ZNF536: variants seen among roughly 807,000 people sequenced by gnomAD.
ZNF536 encodes the protein zinc finger protein 536.
ZNF536 carries 13 observed loss-of-function variants against 84.5 expected under a neutral mutation model. The ratio of observed to expected loss-of-function variants is 0.15; its 90% CI spans 0.10 to 0.24. The LOEUF is 0.24. Among genes scored for constraint, ZNF536 ranks in the 10% least tolerant of loss-of-function variants. ZNF536 has a pLI of 1.00. For missense variants in ZNF536, 1,536 were observed against 1,747.5 expected (o/e 0.88, Z 2.16); for synonymous variants, 811 against 742.5 (o/e 1.09, Z -1.50).
At chr19:30,472,989 C>T (rs564790186) in intron 2 of ZNF536, among the ~76,000 whole-genome samples, 62 of 147,628 alleles carry the variant, frequency 4.2e-4, no homozygotes, top group Admixed American at 9.0e-4. Flanking sequence ...GTCAGGAGTT[C>T]GAGACCAGCC....
intron 2 of ZNF536, among the ~76,000 whole-genome samples, chr19:30,472,611 T>C (rs2053683406): frequency 6.6e-6 from 1 of 152,192 alleles, no homozygotes. Context: ...GAGGCACAGG[T>C]GACTTAAAGA....
intron 1 of ZNF536, among the ~76,000 whole-genome samples, chr19:30,567,803 G>A (rs918121914): frequency 3.3e-5 from 5 of 152,152 alleles, no homozygotes; most frequent in African/African-American, 4.8e-5. Flanking sequence ...CCACAGAGCC[G>A]CTTCACATGT....
chr19:30,634,329 T>C (rs1226174628), intron 1 of ZNF536, among the ~76,000 whole-genome samples: 1 of 152,194 alleles, frequency 6.6e-6, no homozygotes. Flanking sequence ...ACAATAGTGG[T>C]CGACGCTCAG....
intron 1 of ZNF536, among the ~76,000 whole-genome samples, chr19:30,580,740 A>ACT (rs1292937683): frequency 2.0e-5 from 3 of 151,604 alleles, no homozygotes; most frequent in African/African-American, 7.3e-5. Context: ...AGCTCATCCT[A>ACT]CTCTTTTCTT....
chr19:30,317,549 G>A (rs1456563499), intron 2 of ZNF536, among the ~76,000 whole-genome samples: 1 of 152,168 alleles, frequency 6.6e-6, no homozygotes, highest in Non-Finnish European at 1.5e-5. Flanking sequence ...CCAGGGGTCT[G>A]TGCTCCAGAA....
At chr19:30,331,655 T>C (rs2047215661) in intron 2 of ZNF536, among the ~76,000 whole-genome samples, 1 of 151,790 alleles carries the variant, frequency 6.6e-6, no homozygotes, top group South Asian at 2.1e-4. Flanking sequence ...ACCTTAGCCA[T>C]CCATTTCAGA....
At chr19:30,389,176 G>A (rs952946864) in intron 1 of ZNF536, among the ~76,000 whole-genome samples, 1 of 152,222 alleles carries the variant, frequency 6.6e-6, no homozygotes, top group Non-Finnish European at 1.5e-5. Context: ...GTGCCTCCAC[G>A]AAGCCAGGCC....
intron 1 of ZNF536, among the ~76,000 whole-genome samples, chr19:30,642,929 C>T (rs895279460): frequency 5.9e-5 from 9 of 152,270 alleles, no homozygotes; most frequent in Non-Finnish European, 1.2e-4. Flanking sequence ...CTAACAATGG[C>T]CTCAGCACTG....
intron 1 of ZNF536, among the ~76,000 whole-genome samples, chr19:30,387,107 C>CAA (rs1415657665): frequency 6.6e-6 from 1 of 152,150 alleles, no homozygotes; most frequent in Non-Finnish European, 1.5e-5. Context: ...GGTGTTTGGT[C>CAA]AAAGATGAAG....
At chr19:30,423,397 A>G (rs1015943676) in intron 1 of ZNF536, among the ~76,000 whole-genome samples, 1 of 152,200 alleles carries the variant, frequency 6.6e-6, no homozygotes, top group African/African-American at 2.4e-5. Context: ...CAGGTATCCA[A>G]TAGGGATACA....
chr19:30,699,969 CTT>C (rs374553849), intron 1 of ZNF536, among the ~76,000 whole-genome samples: 2,575 of 152,184 alleles, frequency 0.017, 74 homozygotes, highest in African/African-American at 0.056. Flanking sequence ...TCCTCCTTTC[CTT>C]TCTCTCTTCT....
intron 2 of ZNF536, among the ~76,000 whole-genome samples, chr19:30,317,590 C>A (rs1016427584): frequency 6.6e-6 from 1 of 152,212 alleles, no homozygotes; most frequent in Admixed American, 6.5e-5. Flanking sequence ...GAACCCAGCC[C>A]TCACGGAGGT....
intron 1 of ZNF536, among the ~76,000 whole-genome samples, chr19:30,419,104 A>G (rs1313230047): frequency 6.6e-6 from 1 of 152,140 alleles, no homozygotes; most frequent in Non-Finnish European, 1.5e-5. Context: ...CTATGCCTAT[A>G]TATTCTTTTC....
chr19:30,452,875 T>C lies in ZNF536; in HGVS notation c.2170+7143T>C, dbSNP rs73924759. ...TCTGTCGGCATCTGATGGGTGCATC[T>C]CTCCACCCTTGTTGATGGTGCTGGC... is the stretch of plus-strand genomic sequence containing the variant. On this transcript the variant is annotated intron_variant, in intron 2 of 4. Coordinates refer to ENST00000355537, the MANE Select transcript of ZNF536 (RefSeq NM_014717.3). Among the ~76,000 whole-genome samples the C allele has an allele frequency of 4.1e-3, 619 of 151,800 alleles. 1 individual carries two copies. The highest frequency in any genetic ancestry group is 0.015 in the African/African-American group (601 of 41,400).
At chr19:30,401,588 A>G (rs1313860885) in intron 1 of ZNF536, among the ~76,000 whole-genome samples, 1 of 152,256 alleles carries the variant, frequency 6.6e-6, no homozygotes, top group Non-Finnish European at 1.5e-5. Context: ...ATGTTCTCAG[A>G]TTAAAGTGGG....
chr19:30,271,882 T>C (rs949835070), intron 1 of ZNF536, among the ~76,000 whole-genome samples: 1 of 152,202 alleles, frequency 6.6e-6, no homozygotes, highest in African/African-American at 2.4e-5. Context: ...TCCGTGCGTT[T>C]TGTGAATTAA....
Position 30,669,017 on chromosome 19 carries a change from C to T in ZNF536, c.170-41740C>T, listed in dbSNP as rs139505160. On this transcript the variant is annotated intron_variant, in intron 1 of 1. Coordinates refer to the ZNF536 transcript ENST00000592773. The stretch of plus-strand genomic sequence containing the variant: ...GGGGCAAGGGTTGTCGGGGGACCCC[C>T]TCACACGCCTGGGTGCATTGTGCTC... 3.6e-3 allele frequency among the ~76,000 whole-genome samples: 550 copies of T among 152,362 alleles called. 3 individuals carry two copies. Among genetic ancestry groups the T allele is most frequent in the African/African-American group, 0.013 (534 of 41,596 alleles).
rs753554537 is a variant in ZNF536, at chr19:30,444,885, G to C, written c.1323G>C (p.Pro441=). 1.3e-5 allele frequency: 21 copies of C among 1,612,138 alleles called. No individual in the cohort carries two copies. The highest frequency in any genetic ancestry group is 1.7e-5 in the Admixed American group (1 of 59,918). ...LSCLQSGFMT[P]DKAGLSEPSQ... ...GCCTGCAGAGTGGCTTCATGACCCC[G>C]GACAAAGCCGGCCTGAGCGAGCCCA... The change falls in exon 2 of 5, where the codon CCG becomes CCC. Residue 441 remains proline, a synonymous_variant. Coordinates refer to ENST00000355537, the MANE Select transcript of ZNF536 (RefSeq NM_014717.3).
chr19:30,639,900 G>A (rs1465998945), intron 1 of ZNF536, among the ~76,000 whole-genome samples: 1 of 152,158 alleles, frequency 6.6e-6, no homozygotes, highest in African/African-American at 2.4e-5. Context: ...ATCTTGACCT[G>A]TCAAGTCTTG....
Sources: allele counts gnomAD v4.1 joint callset (sites outside exome capture counted in the v4.1 genomes callset), GRCh38; gene constraint gnomAD v4.1.1; transcripts MANE v1.5; gene names NCBI Gene and HGNC (gene_info 2026-07-23, HGNC 2026-07-21).